DNAJC16: variants seen among roughly 807,000 people sequenced by gnomAD.
DNAJC16 encodes DnaJ heat shock protein family (Hsp40) member C16.
A neutral mutation model predicts 92.7 loss-of-function variants in DNAJC16; 76 were observed. The observed-to-expected ratio is 0.82, with a 90% confidence interval of 0.68 to 0.99. DNAJC16 has a LOEUF of 0.99. Among genes scored for constraint, DNAJC16 ranks in the 50% least tolerant of loss-of-function variants. The pLI is 0.00. For missense variants in DNAJC16, 869 were observed against 942.4 expected, an observed-to-expected ratio of 0.92 and a Z score of 1.02; for synonymous variants, 328 against 358.7, an observed-to-expected ratio of 0.91 and a Z score of 0.97.
chr1:15,532,775 T>C (rs1356130148), intron 2 of DNAJC16, among the ~76,000 whole-genome samples: 1 of 152,186 alleles, frequency 6.6e-6, no homozygotes, highest in African/African-American at 2.4e-5. Context: ...GTTTTCATTA[T>C]GACTAGCTGA....
At chr1:15,542,368 C>T (rs1398297158) in intron 4 of DNAJC16, 1 of 152,238 alleles carries the variant, frequency 6.6e-6, no homozygotes, top group Non-Finnish European at 1.5e-5. Flanking sequence ...TGAGAGTTCC[C>T]AGGTGGCTGA....
chr1:15,566,193 A>G lies in DNAJC16; in HGVS notation c.1778+13A>G. On this transcript the variant is annotated intron_variant, in intron 13 of 14. Transcript: ENST00000375847. Reference sequence around the variant, plus strand: ...AAGAAAACAGCAGGTTTCTCTAACAAAACACCAGACTCACCTCCCCGGCAC... The same window carrying G: ...AAGAAAACAGCAGGTTTCTCTAACAGAACACCAGACTCACCTCCCCGGCAC... 1 of 1,609,802 alleles carries G rather than the reference A, an allele frequency of 6.2e-7. No homozygotes were observed. Among genetic ancestry groups the G allele is most frequent in the Non-Finnish European group, 8.5e-7 (1 of 1,177,078 alleles).
Position 15,566,160 on chromosome 1 carries a change from C to G in DNAJC16, c.1758C>G (p.Ser586Arg), listed in dbSNP as rs1011599483. Residue 586 changes from serine (S) to arginine (R), a missense_variant, in exon 13 of 15, where the codon AGC becomes AGG. Transcript: ENST00000375847. ...AGAAGACTGGGAAAACTGAGCCAAG[C>G]TTCACCAAAGAAAACAGCAGGTTTC... ...AQEKTGKTEP[S>R]FTKENSSKIP... 4.3e-6 allele frequency: 7 copies of G among 1,614,028 alleles called. No homozygotes were observed. The highest frequency in any genetic ancestry group is 5.9e-6 in the Non-Finnish European group (7 of 1,180,014).
In DNAJC16 at chr1:15,568,259, A is replaced by C. The variant is rs1472341187; in HGVS notation, c.*82A>C. ...AGGTATTTTCAGGACTCAAACTACCACAATGAACAGAGTATAGATTTTAGA... is the reference window on the plus strand; with the variant it reads ...AGGTATTTTCAGGACTCAAACTACCCCAATGAACAGAGTATAGATTTTAGA... On this transcript the variant is annotated 3_prime_UTR_variant, in exon 15 of 15. Transcript: ENST00000375847. 6 of 1,142,328 alleles carry C rather than the reference A, an allele frequency of 5.3e-6. No homozygotes were observed. The highest frequency in any genetic ancestry group is 3.1e-5 in the African/African-American group (2 of 64,582). The allele number at this position is 1,142,328 out of a possible 1,614,324, so 70.8% of individuals were successfully genotyped here. A position where few individuals can be genotyped will look rare whatever the true frequency, so the allele number is the denominator to read the frequency against.
intron 7 of DNAJC16, 152 bp downstream of exon 7, chr1:15,548,580 A>G (rs1255983925): frequency 1.3e-6 from 1 of 780,842 alleles, no homozygotes; most frequent in Non-Finnish European, 1.9e-6. Flanking sequence ...CTAACTTGGT[A>G]CCGTTTGCTT....
chr1:15,535,651 C>T (rs1211382087), intron 3 of DNAJC16, among the ~76,000 whole-genome samples: 1 of 152,100 alleles, frequency 6.6e-6, no homozygotes, highest in East Asian at 1.9e-4. Flanking sequence ...GGAAGGTTGA[C>T]CCTGAGAGAT....
intron 8 of DNAJC16, among the ~76,000 whole-genome samples, chr1:15,559,893 A>G (rs911645746): frequency 1.3e-5 from 2 of 151,086 alleles, no homozygotes; most frequent in Non-Finnish European, 3.0e-5. Flanking sequence ...GAGAAACCCC[A>G]TCTCTACTAA....
At chr1:15,539,050 G>T (rs1034252146) in intron 4 of DNAJC16, among the ~76,000 whole-genome samples, 1 of 152,112 alleles carries the variant, frequency 6.6e-6, no homozygotes, top group African/African-American at 2.4e-5. Context: ...TATGTGTTTA[G>T]GATTGCTTAG....
chr1:15,566,406 A>C, intron 13 of DNAJC16: 1 of 535,280 alleles, frequency 1.9e-6, no homozygotes, highest in South Asian at 2.3e-5. Context: ...AAAGAAGCCT[A>C]TCAGGCAAGT....
intron 3 of DNAJC16, among the ~76,000 whole-genome samples, chr1:15,534,680 G>A (rs562496810): frequency 1.4e-4 from 22 of 152,216 alleles, no homozygotes; most frequent in South Asian, 8.3e-4. Context: ...AGCAGAGATC[G>A]AGGCCTGGGT....
Position 15,560,870 on chromosome 1 carries a change from C to G in DNAJC16, c.1154+1214C>G, listed in dbSNP as rs150129622. Among the ~76,000 whole-genome samples the G allele has an allele frequency of 2.2e-4, 33 of 152,132 alleles. No homozygotes were observed. The East Asian group carries it at 6.2e-3, about 29-fold the overall frequency. On this transcript the variant is annotated intron_variant, in intron 8 of 14. Coordinates refer to ENST00000375847, the MANE Select transcript of DNAJC16 (RefSeq NM_015291.4). ...TTCTAACTAGTCTCTCTGCTCCATT[C>G]CACTCTTGTACCCTCCAGGCAGATG... is the stretch of plus-strand genomic sequence containing the variant.
intron 4 of DNAJC16, among the ~76,000 whole-genome samples, chr1:15,540,884 T>C (rs1710916968): frequency 6.6e-6 from 1 of 152,194 alleles, no homozygotes; most frequent in Non-Finnish European, 1.5e-5. Context: ...TAAGGTCATT[T>C]AGGGTGAGTC....
At chr1:15,542,544 G>T (rs1014426465) in intron 4 of DNAJC16, among the ~76,000 whole-genome samples, 1 of 152,172 alleles carries the variant, frequency 6.6e-6, no homozygotes, top group Non-Finnish European at 1.5e-5. Flanking sequence ...CCTGAGTTCT[G>T]TGAGCAGCTC....
chr1:15,566,999 T>G (rs1205364911), intron 13 of DNAJC16, 100 bp from the exon 14 acceptor site: 1 of 1,127,512 alleles, frequency 8.9e-7, no homozygotes, highest in Non-Finnish European at 1.3e-6. Context: ...ACATACCTAG[T>G]CTGGTTAGAA....
intron 6 of DNAJC16, 70 bp from the exon 7 acceptor site, chr1:15,548,200 G>T: frequency 6.6e-7 from 1 of 1,515,146 alleles, no homozygotes; most frequent in South Asian, 1.2e-5. Flanking sequence ...ATGTGAAAAA[G>T]CCCTACTTGA....
intron 7 of DNAJC16, among the ~76,000 whole-genome samples, chr1:15,548,873 TA>T (rs1274821497): frequency 6.6e-6 from 1 of 152,150 alleles, no homozygotes; most frequent in African/African-American, 2.4e-5. Flanking sequence ...AATGTAAAGT[TA>T]AAAAACTGGG....
rs957703780 is a variant in DNAJC16, at chr1:15,568,839, G to A, written c.*662G>A. On this transcript the variant is annotated 3_prime_UTR_variant, in exon 15 of 15. Coordinates refer to ENST00000375847, the MANE Select transcript of DNAJC16 (RefSeq NM_015291.4). Reference sequence around the variant, plus strand: ...GAGTTCTCAAGAAAAGGAAAGGGAGGCTGAGCAGTGGCTGAAGCGATGCAG... The same window carrying A: ...GAGTTCTCAAGAAAAGGAAAGGGAGACTGAGCAGTGGCTGAAGCGATGCAG... 2.5e-6 allele frequency: 1 copy of A among 397,556 alleles called. No homozygotes were observed. The highest frequency in any genetic ancestry group is 4.4e-6 in the Non-Finnish European group (1 of 225,722). 24.6% of individuals were successfully genotyped at this position (397,556 alleles called of 1,614,324 possible). A position where few individuals can be genotyped will look rare whatever the true frequency, so the allele number is the denominator to read the frequency against.
Position 15,546,956 on chromosome 1 carries a change from T to C in DNAJC16, c.864+85T>C, listed in dbSNP as rs1638324078. On this transcript the variant is annotated intron_variant, in intron 6 of 14. Coordinates refer to ENST00000375847, the MANE Select transcript of DNAJC16 (RefSeq NM_015291.4). ...TTTTAGCAGAAAGTAATCTCTGAGT[T>C]GGAACTTATAGCCTATTTGTCTTTT... The C allele has an allele frequency of 3.9e-6, 4 of 1,038,592 alleles. No homozygotes were observed. In the South Asian group the frequency reaches 6.0e-5, roughly 15 times the overall value. The allele number at this position is 1,038,592 out of a possible 1,614,324, so 64.3% of individuals were successfully genotyped here.
intron 11 of DNAJC16, chr1:15,565,310 G>A (rs1448429555): frequency 6.5e-6 from 1 of 154,660 alleles, no homozygotes. Context: ...AAAGGAATGA[G>A]TGAATTAACC....
Sources: gnomAD v4.1 joint callset for allele counts (sites outside exome capture counted in the v4.1 genomes callset) on GRCh38, gnomAD v4.1.1 for gene constraint, MANE v1.5 for transcripts, NCBI Gene and HGNC (gene_info 2026-07-23, HGNC 2026-07-21) for gene names.